The following PHACTR4 variants were observed in gnomAD, a reference collection of about 807,000 sequenced individuals.
PHACTR4 encodes phosphatase and actin regulator 4.
A neutral mutation model predicts 72.7 loss-of-function variants in PHACTR4; 51 were observed. That is an observed-to-expected ratio of 0.70 (90% CI 0.56 to 0.89). The LOEUF is 0.89. Among genes scored for constraint, PHACTR4 ranks in the 40% least tolerant of loss-of-function variants. The probability of loss-of-function intolerance (pLI) is 0.00; values close to 1 mark genes in which losing one functional copy is unlikely to be tolerated. For synonymous variants in PHACTR4, 255 were observed against 302.5 expected, an observed-to-expected ratio of 0.84 and a Z score of 1.63; for missense variants, 731 against 861.8, an observed-to-expected ratio of 0.85 and a Z score of 1.90.
intron 1 of PHACTR4, among the ~76,000 whole-genome samples, chr1:28,373,200 C>G (rs1291564788): frequency 1.3e-5 from 2 of 152,118 alleles, no homozygotes; most frequent in Non-Finnish European, 2.9e-5. Context: ...CTCAAGCAGT[C>G]CTCCTACCTT....
intron 2 of PHACTR4, among the ~76,000 whole-genome samples, chr1:28,430,898 C>T (rs1656210578): frequency 6.6e-6 from 1 of 152,102 alleles, no homozygotes; most frequent in Non-Finnish European, 1.5e-5. Context: ...AAAATATAGG[C>T]TGGGCACAGT....
At chr1:28,383,585 C>T (rs2124156341) in intron 1 of PHACTR4, among the ~76,000 whole-genome samples, 1 of 152,002 alleles carries the variant, frequency 6.6e-6, no homozygotes, top group East Asian at 1.9e-4. Flanking sequence ...TAGCTGTATT[C>T]CTAGGTATTT....
intron 12 of PHACTR4, 31 bp downstream of exon 12, chr1:28,491,818 C>G (rs760812612): frequency 1.3e-5 from 20 of 1,598,272 alleles, no homozygotes; most frequent in Non-Finnish European, 1.7e-5. Context: ...TGCTTTTTTT[C>G]TCTTTCTCTT....
At chr1:28,444,782 A>ATTTTTTTTTTTTTTTTTTTTTTT (rs577693546) in intron 2 of PHACTR4, among the ~76,000 whole-genome samples, 2 of 116,676 alleles carry the variant, frequency 1.7e-5, no homozygotes, top group African/African-American at 7.3e-5. Flanking sequence ...CACCCAGCTA[A>ATTTTTTTTTTTTTTTTTTTTTTT]TTTTTTTTTT....
intron 2 of PHACTR4, among the ~76,000 whole-genome samples, chr1:28,435,650 A>G (rs1656586415): frequency 6.6e-6 from 1 of 152,238 alleles, no homozygotes; most frequent in Non-Finnish European, 1.5e-5. Context: ...GTTAACACTT[A>G]ATAAGTGGTA....
At chr1:28,372,866 A>T (rs992631891) in intron 1 of PHACTR4, among the ~76,000 whole-genome samples, 1 of 151,072 alleles carries the variant, frequency 6.6e-6, no homozygotes, top group African/African-American at 2.5e-5. Flanking sequence ...AAAAAAAAAA[A>T]CACAGAAATA....
intron 2 of PHACTR4, among the ~76,000 whole-genome samples, chr1:28,421,626 C>G (rs61783826): frequency 0.39 from 58,696 of 151,998 alleles, 13,033 homozygotes; most frequent in African/African-American, 0.6. Flanking sequence ...TGCTCTAAAA[C>G]GTAGGCCTGG....
chr1:28,411,901 AAAAG>A (rs947006457), intron 2 of PHACTR4, among the ~76,000 whole-genome samples: 155 of 152,108 alleles, frequency 1.0e-3, no homozygotes, highest in African/African-American at 3.3e-3. Flanking sequence ...ACGAATGAAC[AAAAG>A]AAAGAAAGAA....
chr1:28,422,278 A>G (rs1655557715), intron 2 of PHACTR4, among the ~76,000 whole-genome samples: 1 of 152,366 alleles, frequency 6.6e-6, no homozygotes, highest in African/African-American at 2.4e-5. Context: ...TGCTTGGGGA[A>G]AAAATAATAA....
intron 1 of PHACTR4, among the ~76,000 whole-genome samples, chr1:28,406,322 A>G (rs1294639148): frequency 6.6e-6 from 1 of 152,188 alleles, no homozygotes; most frequent in African/African-American, 2.4e-5. Flanking sequence ...TAACTTGGTA[A>G]TGAAGCTACA....
At chr1:28,455,049 T>C (rs1392829071) in intron 2 of PHACTR4, among the ~76,000 whole-genome samples, 4 of 151,656 alleles carry the variant, frequency 2.6e-5, no homozygotes, top group Non-Finnish European at 5.9e-5. Context: ...GTTGTATTTT[T>C]AATAGAGACA....
At chr1:28,456,559 G>A (rs1174965897) in intron 2 of PHACTR4, among the ~76,000 whole-genome samples, 3 of 152,064 alleles carry the variant, frequency 2.0e-5, no homozygotes, top group African/African-American at 7.2e-5. Context: ...GACCTGCTGA[G>A]CTCAAGCGAT....
At chr1:28,394,532 C>G (rs1653327852) in intron 1 of PHACTR4, among the ~76,000 whole-genome samples, 1 of 151,036 alleles carries the variant, frequency 6.6e-6, no homozygotes, top group South Asian at 2.1e-4. Context: ...CTCAAGTGAT[C>G]TTCTTGCTTT....
At chr1:28,383,134 T>A (rs1021995668) in intron 1 of PHACTR4, among the ~76,000 whole-genome samples, 1 of 152,170 alleles carries the variant, frequency 6.6e-6, no homozygotes, top group African/African-American at 2.4e-5. Flanking sequence ...CATTGCCTAT[T>A]TTTGTCTGGC....
At position 28,382,177 on chromosome 1, in the gene PHACTR4, T is replaced by C. The variant is rs151120401; in HGVS notation, c.-39+12352T>C. 5.2e-3 allele frequency among the ~76,000 whole-genome samples: 785 copies of C among 152,346 alleles called. 8 individuals carry two copies. The highest frequency in any genetic ancestry group is 0.017 in the African/African-American group (704 of 41,584). Reference sequence around the variant, plus strand: ...TGTCAGATGCATAGTTTGCAAAAATTTTCTCCCATTCTGTAGGTTGTTTGT... The same window carrying C: ...TGTCAGATGCATAGTTTGCAAAAATCTTCTCCCATTCTGTAGGTTGTTTGT... On this transcript the variant is annotated intron_variant, in intron 1 of 13. Coordinates refer to ENST00000373839, the MANE Select transcript of PHACTR4 (RefSeq NM_001048183.3).
chr1:28,424,435 G>A (rs564989633), intron 2 of PHACTR4, among the ~76,000 whole-genome samples: 1 of 152,046 alleles, frequency 6.6e-6, no homozygotes, highest in Admixed American at 6.5e-5. Flanking sequence ...AAGATTACAG[G>A]TGTGAGCCAC....
chr1:28,491,718 G>C lies in PHACTR4; in HGVS notation c.1947G>C (p.Glu649Asp). ...RKILRFNEYVEVTDAQDYDRR... is the reference protein window; with the variant it reads ...RKILRFNEYVDVTDAQDYDRR... Reference sequence around the variant, plus strand: ...TTCTGAGGTTTAATGAATATGTAGAGGTAACAGATGCTCAAGATTATGACC... The same window carrying C: ...TTCTGAGGTTTAATGAATATGTAGACGTAACAGATGCTCAAGATTATGACC... The change falls in exon 12 of 14, where the codon GAG becomes GAC. Residue 649 changes from glutamate (E) to aspartate (D), a missense_variant. Glu to Asp is a conservative substitution (Grantham distance 45). Around this residue, in one of 2 missense-constraint regions of PHACTR4, gnomAD observed 110 missense variants for 185.2 expected, o/e 0.59. Coordinates refer to ENST00000373839, the MANE Select transcript of PHACTR4 (RefSeq NM_001048183.3). 6.2e-7 allele frequency: 1 copy of C among 1,614,140 alleles called. No homozygotes were observed. Among genetic ancestry groups the C allele is most frequent in the Non-Finnish European group, 8.5e-7 (1 of 1,180,032 alleles).
Position 28,480,562 on chromosome 1 carries a change from A to T in PHACTR4, c.1718A>T (p.Glu573Val). The T allele has an allele frequency of 6.2e-7, 1 of 1,614,198 alleles. No individual in the cohort carries two copies. The highest frequency in any genetic ancestry group is 8.5e-7 in the Non-Finnish European group (1 of 1,180,038). The change falls in exon 9 of 14, where the codon GAG (glutamate) becomes GTG (valine). Residue 573 changes from glutamate (E) to valine (V), a missense_variant. Around this residue, in one of 2 missense-constraint regions of PHACTR4, gnomAD observed 110 missense variants for 185.2 expected, o/e 0.59. Transcript: ENST00000373839. ...LNSWPCKSKE[E>V]WNEIRHQIGN... is the part of the protein sequence containing the mutation. Reference sequence around the variant, plus strand: ...TCTTGGCCTTGTAAAAGCAAGGAGGAGTGGAATGAAATACGGCACCAGATT... The same window carrying T: ...TCTTGGCCTTGTAAAAGCAAGGAGGTGTGGAATGAAATACGGCACCAGATT...
intron 2 of PHACTR4, among the ~76,000 whole-genome samples, chr1:28,419,099 A>G (rs1036030073): frequency 7.1e-6 from 1 of 141,512 alleles, no homozygotes; most frequent in Admixed American, 7.1e-5. Context: ...ATGCCAATTT[A>G]TAGCTAGCTG....
Sources: allele counts gnomAD v4.1 joint callset (sites outside exome capture counted in the v4.1 genomes callset), GRCh38; gene constraint gnomAD v4.1.1; regional missense constraint gnomAD v4.1.1; transcripts MANE v1.5; gene names NCBI Gene and HGNC (gene_info 2026-07-23, HGNC 2026-07-21).